The following CLCN5 variants were observed in gnomAD, a reference collection of about 807,000 sequenced individuals.
The protein encoded by CLCN5 is Cl-/H+ antiporter 5.
A neutral mutation model predicts 54.0 loss-of-function variants in CLCN5; 17 were observed. That is an observed-to-expected ratio of 0.31 (90% confidence interval 0.22 to 0.47). The LOEUF (loss-of-function observed/expected upper bound fraction) is 0.47, where lower values mean the gene tolerates loss of function less well. Ranked by LOEUF, CLCN5 falls within the 20% of genes least tolerant of loss-of-function variation. The pLI, the probability that CLCN5 is intolerant of heterozygous loss-of-function variation, is 1.00. For synonymous variants in CLCN5, 222 were observed against 233.0 expected, an observed-to-expected ratio of 0.95 and a Z score of 0.43; for missense variants, 448 against 646.7, an observed-to-expected ratio of 0.69 and a Z score of 3.33.
intron 4 of CLCN5, among the ~76,000 whole-genome samples, chrX:50,042,852 C>T (rs1932273143): frequency 1.8e-5 from 2 of 111,703 alleles, no homozygotes; most frequent in Admixed American, 9.5e-5. Context: ...GAGTAGTATA[C>T]CCAGGAGTAG....
chrX:49,951,019 T>TC (rs1301022240), intron 3 of CLCN5, among the ~76,000 whole-genome samples: 1 of 111,770 alleles, frequency 8.9e-6, no homozygotes, highest in Non-Finnish European at 1.9e-5. Flanking sequence ...TCCCTACCTT[T>TC]CCCATAGTCC....
At chrX:49,929,543 A>T (rs1218418589) in intron 3 of CLCN5, among the ~76,000 whole-genome samples, 1 of 112,140 alleles carries the variant, frequency 8.9e-6, no homozygotes, top group Non-Finnish European at 1.9e-5. Context: ...GTAGCACTTC[A>T]AATTAATGAA....
At chrX:49,939,779 A>C in intron 3 of CLCN5, among the ~76,000 whole-genome samples, 1 of 110,720 alleles carries the variant, frequency 9.0e-6, no homozygotes, top group Admixed American at 9.6e-5. Flanking sequence ...CCTAAAACTT[A>C]AAAAAAAAGT....
At chrX:50,074,443 A>C (rs1164567058) in intron 6 of CLCN5, among the ~76,000 whole-genome samples, 1 of 111,869 alleles carries the variant, frequency 8.9e-6, no homozygotes, top group Admixed American at 9.5e-5. Flanking sequence ...GAAATAAGAC[A>C]TGTACACGTG....
rs1303803946 is a variant in CLCN5, at chrX:50,059,887, G to T, written c.164-9992G>T. 2.8e-5 allele frequency among the ~76,000 whole-genome samples: 3 copies of T among 107,420 alleles called. No homozygotes were observed. In the East Asian group the frequency reaches 8.7e-4, roughly 31 times the overall value. The allele number at this position is 107,420 out of a possible 115,157, so 93.3% of individuals were successfully genotyped here. On this transcript the variant is annotated intron_variant, in intron 4 of 14. Transcript: ENST00000376091. The stretch of plus-strand genomic sequence containing the variant: ...ATCCATAGGAACTATATATTTTTAT[G>T]TACCAAAAAAGATAGTATCTTTGCT...
At chrX:49,926,043 C>T (rs1447408221) in intron 3 of CLCN5, among the ~76,000 whole-genome samples, 1 of 111,726 alleles carries the variant, frequency 9.0e-6, no homozygotes, top group African/African-American at 3.3e-5. Flanking sequence ...ACAAACACTA[C>T]CAAAATTGGC....
intron 3 of CLCN5, among the ~76,000 whole-genome samples, chrX:49,940,409 C>T (rs781825121): frequency 1.8e-5 from 2 of 112,206 alleles, no homozygotes; most frequent in East Asian, 5.6e-4. Flanking sequence ...GAAGAACCTA[C>T]CCATACTGCA....
chrX:50,057,005 C>T (rs1417590722), intron 4 of CLCN5, among the ~76,000 whole-genome samples: 1 of 111,849 alleles, frequency 8.9e-6, no homozygotes, highest in Admixed American at 9.5e-5. Flanking sequence ...GCGTGTTAGA[C>T]ACCTTCAAGT....
chrX:49,990,703 G>T (rs1929215948), intron 3 of CLCN5, among the ~76,000 whole-genome samples: 1 of 112,090 alleles, frequency 8.9e-6, no homozygotes, highest in Non-Finnish European at 1.9e-5. Context: ...CTCTCAAAAT[G>T]CTGGGATTAC....
intron 3 of CLCN5, among the ~76,000 whole-genome samples, chrX:49,986,157 G>A (rs183475747): frequency 9.0e-6 from 1 of 111,180 alleles, no homozygotes; most frequent in Admixed American, 9.5e-5. Context: ...TATTCTATTT[G>A]TTTTTCTTGT....
At chrX:49,972,841 A>C (rs1237911502) in intron 3 of CLCN5, among the ~76,000 whole-genome samples, 1 of 111,971 alleles carries the variant, frequency 8.9e-6, no homozygotes, top group African/African-American at 3.2e-5. Flanking sequence ...AGTGAGGTTA[A>C]GTGATCATCA....
chrX:50,002,630 T>A (rs184231349), intron 3 of CLCN5, among the ~76,000 whole-genome samples: 6,231 of 110,279 alleles, frequency 0.057, 488 homozygotes, highest in African/African-American at 0.2. Flanking sequence ...CGTCTGTCTG[T>A]CTGTCTGTCT....
intron 14 of CLCN5, among the ~76,000 whole-genome samples, chrX:50,091,441 T>A (rs1214853439): frequency 9.0e-6 from 1 of 111,088 alleles, no homozygotes; most frequent in African/African-American, 3.3e-5. Flanking sequence ...AGGAGAGGGG[T>A]GGATTTTTTT....
At chrX:49,995,217 G>A (rs926406458) in intron 3 of CLCN5, among the ~76,000 whole-genome samples, 2 of 111,324 alleles carry the variant, frequency 1.8e-5, no homozygotes, top group Non-Finnish European at 3.8e-5. Context: ...AACCCGACAC[G>A]CCCTGAAATC....
rs1378504816 is a variant in CLCN5, at chrX:50,097,047, A to T, written c.*4828A>T. ...TTTCTGCCTCCTCGTACATCCTTATATATGGAAAAAAAAGTAAGAGTTCCT... is the reference window on the plus strand; with the variant it reads ...TTTCTGCCTCCTCGTACATCCTTATTTATGGAAAAAAAAGTAAGAGTTCCT... On this transcript the variant is annotated 3_prime_UTR_variant, in exon 15 of 15. Transcript: ENST00000376091. 8.9e-6 allele frequency: 1 copy of T among 112,258 alleles called. No homozygotes were observed. The highest frequency in any genetic ancestry group is 3.2e-5 in the African/African-American group (1 of 30,903). 9.3% of individuals were successfully genotyped at this position (112,258 alleles called of 1,213,427 possible). A position where few individuals can be genotyped will look rare whatever the true frequency, so the allele number is the denominator to read the frequency against.
intron 3 of CLCN5, among the ~76,000 whole-genome samples, chrX:49,941,747 TGATTCCAGTCTTTCTACCC>T (rs1274989728): frequency 9.0e-6 from 1 of 110,815 alleles, no homozygotes; most frequent in African/African-American, 3.3e-5. Context: ...GCATTATTTA[TGATTCCAGTCTTTCTACCC>T]GATTCCAGTC....
chrX:49,978,487 G>C (rs1928585975), intron 3 of CLCN5, among the ~76,000 whole-genome samples: 1 of 112,114 alleles, frequency 8.9e-6, no homozygotes, highest in Non-Finnish European at 1.9e-5. Flanking sequence ...CTGGGCATCA[G>C]TGTCTTCATC....
rs1933040518 is a variant in CLCN5 at position 50,066,781 on chromosome X, A to G, written c.164-3098A>G. On this transcript the variant is annotated intron_variant, in intron 4 of 14. Coordinates refer to ENST00000376091, the MANE Select transcript of CLCN5 (RefSeq NM_001127898.4). Reference sequence around the variant, plus strand: ...GTTGTTGTTGCTTTCTGCGTAGAGCATTACTACTCAGAAACAACTCATTTT... The same window carrying G: ...GTTGTTGTTGCTTTCTGCGTAGAGCGTTACTACTCAGAAACAACTCATTTT... Among the ~76,000 whole-genome samples the G allele has an allele frequency of 2.7e-5, 3 of 112,195 alleles. No individual in the cohort carries two copies. The Admixed American group carries it at 2.8e-4, about 11-fold the overall frequency.
chrX:49,925,149 A>G (rs1925278066), intron 2 of CLCN5, 22 bp from the exon 3 acceptor site: 2 of 590,252 alleles, frequency 3.4e-6, no homozygotes, highest in South Asian at 5.0e-5. Context: ...TTAGGTATTC[A>G]TTTTTCTGTT....
Sources: allele counts gnomAD v4.1 joint callset (sites outside exome capture counted in the v4.1 genomes callset), GRCh38; gene constraint gnomAD v4.1.1; transcripts MANE v1.5; gene names NCBI Gene and HGNC (gene_info 2026-07-23, HGNC 2026-07-21).